The following SASH1 variants were observed in gnomAD, a reference collection of about 807,000 sequenced individuals.
The protein encoded by SASH1 is SAM and SH3 domain containing 1.
SASH1 carries 44 observed loss-of-function variants against 125.2 expected under a neutral mutation model. The ratio of observed to expected loss-of-function variants is 0.35; its 90% CI spans 0.28 to 0.45. The LOEUF (loss-of-function observed/expected upper bound fraction) is 0.45. SASH1 is among the 20% of genes least tolerant of loss of function. SASH1 has a pLI of 1.00. For synonymous variants in SASH1, 639 were observed against 649.1 expected, an observed-to-expected ratio of 0.98 and a Z score of 0.24; for missense variants, 1,426 against 1,614.5, an observed-to-expected ratio of 0.88 and a Z score of 2.00.
At chr6:148,324,086 C>T (rs150879038) in intron 1 of SASH1, among the ~76,000 whole-genome samples, 87 of 118,456 alleles carry the variant, frequency 7.3e-4, no homozygotes, top group African/African-American at 2.3e-3. Flanking sequence ...TGCCACTGCA[C>T]GCCAGCGTGG....
At chr6:148,440,145 T>A (rs1375596051) in intron 2 of SASH1, 39 bp from the exon 3 acceptor site, 1 of 1,604,360 alleles carries the variant, frequency 6.2e-7, no homozygotes, top group Non-Finnish European at 8.5e-7. Flanking sequence ...GTGTGACATG[T>A]TTGGAAGTCC....
At chr6:148,419,727 C>G (rs1784976393) in intron 2 of SASH1, among the ~76,000 whole-genome samples, 1 of 152,112 alleles carries the variant, frequency 6.6e-6, no homozygotes, top group Non-Finnish European at 1.5e-5. Context: ...TGCTTGTTGG[C>G]TTTTCCTGAG....
chr6:148,309,451 T>C (rs1780240897), intron 1 of SASH1, among the ~76,000 whole-genome samples: 1 of 152,150 alleles, frequency 6.6e-6, no homozygotes, highest in Non-Finnish European at 1.5e-5. Context: ...GTTACACTAG[T>C]GTGGCATATT....
At chr6:148,269,621 T>C (rs893461606), upstream of SASH1, among the ~76,000 whole-genome samples, 2 of 152,208 alleles carry the variant, frequency 1.3e-5, no homozygotes, top group Non-Finnish European at 1.5e-5. Flanking sequence ...TCAGATTGCA[T>C]GTTTGATTGC....
intron 1 of SASH1, among the ~76,000 whole-genome samples, chr6:148,387,628 CTTT>C (rs1562371297): frequency 0.019 from 646 of 33,876 alleles, 68 homozygotes; most frequent in Middle Eastern, 0.054. Context: ...TTCTTTCTTT[CTTT>C]CTTTCTTTCT....
rs1449149381 is a variant in SASH1, at chr6:148,535,956, T to G, written c.2095+1055T>G. Reference sequence around the variant, plus strand: ...GGAAGCAAGTGTCATTAGGTGAAATTCCCTTCTGCTAAATAGGCAGTCCCT... The same window carrying G: ...GGAAGCAAGTGTCATTAGGTGAAATGCCCTTCTGCTAAATAGGCAGTCCCT... On this transcript the variant is annotated intron_variant, in intron 16 of 19. Transcript: ENST00000367467. Among the ~76,000 whole-genome samples the G allele has an allele frequency of 3.4e-5, 5 of 147,028 alleles. No individual in the cohort carries two copies. In the East Asian group the frequency reaches 9.6e-4, roughly 28 times the overall value.
chr6:148,379,677 G>A (rs531892069), intron 1 of SASH1, among the ~76,000 whole-genome samples: 68 of 152,178 alleles, frequency 4.5e-4, no homozygotes, highest in African/African-American at 1.6e-3. Context: ...GCTAAGTGTT[G>A]GGTGTTGCAA....
chr6:148,500,107 T>C (rs1432782430), intron 8 of SASH1, among the ~76,000 whole-genome samples: 1 of 152,192 alleles, frequency 6.6e-6, no homozygotes, highest in African/African-American at 2.4e-5. Context: ...CGTAGTTTGT[T>C]TGTATAGTTG....
rs528644259 is a variant in SASH1 at position 148,325,646 on chromosome 6, C to T, written n.74+53269C>T. 2.0e-5 allele frequency among the ~76,000 whole-genome samples: 3 copies of T among 152,180 alleles called. No individual in the cohort carries two copies. The East Asian group carries it at 5.8e-4, about 29-fold the overall frequency. ...ACGAGAATAGCACGGAGGTAACCAC[C>T]CCCATGATTCAATTATCTCCCACTG... On this transcript the variant is annotated intron_variant and non_coding_transcript_variant, in intron 1 of 3. Coordinates refer to the SASH1 transcript ENST00000367469.
At chr6:148,359,324 G>GTTTTT in intron 1 of SASH1, among the ~76,000 whole-genome samples, 2 of 74,214 alleles carry the variant, frequency 2.7e-5, no homozygotes, top group Non-Finnish European at 5.4e-5. Flanking sequence ...GTGCTTGGCC[G>GTTTTT]GTTTTTTTTT....
intron 1 of SASH1, among the ~76,000 whole-genome samples, chr6:148,363,276 G>C (rs891658836): frequency 6.6e-6 from 1 of 152,124 alleles, no homozygotes; most frequent in Admixed American, 6.5e-5. Flanking sequence ...TGTTAGGGAC[G>C]GAGTGATTGA....
intron 4 of SASH1, among the ~76,000 whole-genome samples, chr6:148,448,340 C>T (rs531172526): frequency 2.2e-4 from 33 of 152,172 alleles, no homozygotes; most frequent in Admixed American, 8.5e-4. Context: ...GACTATGTTT[C>T]TTTTTCTCTC....
chr6:148,405,939 G>A (rs186237611), intron 2 of SASH1, among the ~76,000 whole-genome samples: 4 of 152,258 alleles, frequency 2.6e-5, no homozygotes, highest in Admixed American at 2.0e-4. Flanking sequence ...ATCAGAAATC[G>A]ACAGTGTAAT....
the SASH1 span, among the ~76,000 whole-genome samples, chr6:148,244,904 ATGTGTGTGTGTGTG>A: frequency 2.5e-5 from 3 of 119,024 alleles, no homozygotes; most frequent in Non-Finnish European, 5.3e-5. Flanking sequence ...GGCCTGGGGC[ATGTGTGTGTGTGTG>A]TGTGTGTGTG....
chr6:148,413,532 G>A (rs1404159240), intron 2 of SASH1, among the ~76,000 whole-genome samples: 3 of 152,184 alleles, frequency 2.0e-5, no homozygotes, highest in African/African-American at 7.2e-5. Context: ...TTGAGGTGCT[G>A]CTGGGACATT....
intron 17 of SASH1, among the ~76,000 whole-genome samples, chr6:148,541,694 G>C (rs149764043): frequency 6.6e-6 from 1 of 151,992 alleles, no homozygotes; most frequent in Non-Finnish European, 1.5e-5. Flanking sequence ...GCTCACTCTC[G>C]GGTACCAGCC....
At chr6:148,338,384 G>C (rs944563405), upstream of SASH1, among the ~76,000 whole-genome samples, 3 of 148,226 alleles carry the variant, frequency 2.0e-5, no homozygotes, top group Non-Finnish European at 4.4e-5. Context: ...CCAAGATCAC[G>C]CCACTGCACT....
At chr6:148,393,545 G>A (rs1783822552) in intron 2 of SASH1, 1 of 210,658 alleles carries the variant, frequency 4.7e-6, no homozygotes, top group Non-Finnish European at 8.2e-6. Context: ...TCATCCCATG[G>A]TGTTTGGGAA....
At chr6:148,247,504 G>A in the SASH1 span, among the ~76,000 whole-genome samples, 5 of 152,242 alleles carry the variant, frequency 3.3e-5, no homozygotes, top group Non-Finnish European at 7.4e-5. Flanking sequence ...GCACCTTCAG[G>A]CCACAGCCGG....
Sources: gnomAD v4.1 joint callset for allele counts (sites outside exome capture counted in the v4.1 genomes callset) on GRCh38, gnomAD v4.1.1 for gene constraint, MANE v1.5 for transcripts, NCBI Gene and HGNC (gene_info 2026-07-23, HGNC 2026-07-21) for gene names.